The following COL25A1 variants were observed in gnomAD, a reference collection of about 807,000 sequenced individuals.
COL25A1 encodes collagen alpha-1(XXV) chain.
A neutral mutation model predicts 128.4 loss-of-function variants in COL25A1; 103 were observed. The ratio of observed to expected loss-of-function variants is 0.80; its 90% confidence interval spans 0.68 to 0.94. COL25A1 has a LOEUF of 0.94. Among genes scored for constraint, COL25A1 ranks in the 40% least tolerant of loss-of-function variants. The probability of loss-of-function intolerance (pLI) is 0.00; values close to 1 mark genes in which losing one functional copy is unlikely to be tolerated. For synonymous variants in COL25A1, 279 were observed against 277.2 expected (o/e 1.01, Z -0.06); for missense variants, 745 against 840.0 (o/e 0.89, Z 1.40).
intron 30 of COL25A1, among the ~76,000 whole-genome samples, chr4:108,843,467 A>G (rs1431096624): frequency 6.6e-6 from 1 of 152,186 alleles, no homozygotes; most frequent in Non-Finnish European, 1.5e-5. Flanking sequence ...AAGCATTTGA[A>G]GCATTCTGCC....
intron 3 of COL25A1, among the ~76,000 whole-genome samples, chr4:109,181,715 A>C (rs1009696685): frequency 1.3e-5 from 2 of 152,140 alleles, no homozygotes; most frequent in African/African-American, 4.8e-5. Flanking sequence ...TGATGAGAAC[A>C]CTTAAAATCT....
intron 8 of COL25A1, among the ~76,000 whole-genome samples, chr4:108,962,749 T>C (rs939739615): frequency 4.6e-5 from 7 of 152,138 alleles, no homozygotes; most frequent in Admixed American, 3.9e-4. Context: ...CTATTGTCTA[T>C]GTTTGTGTTA....
At chr4:109,191,149 C>A (rs968187758) in intron 3 of COL25A1, among the ~76,000 whole-genome samples, 1 of 152,158 alleles carries the variant, frequency 6.6e-6, no homozygotes, top group Non-Finnish European at 1.5e-5. Context: ...TTTAAATAAG[C>A]CACAAACCAT....
At chr4:109,127,734 G>C (rs1291355555) in intron 3 of COL25A1, among the ~76,000 whole-genome samples, 1 of 152,156 alleles carries the variant, frequency 6.6e-6, no homozygotes, top group East Asian at 1.9e-4. Context: ...TTGGTACTTA[G>C]TAGGCCGTAA....
intron 3 of COL25A1, among the ~76,000 whole-genome samples, chr4:109,277,812 A>C (rs1352159934): frequency 6.6e-6 from 1 of 152,154 alleles, no homozygotes; most frequent in Non-Finnish European, 1.5e-5. Context: ...ATGTAAATAT[A>C]ATTTCCCATT....
intron 27 of COL25A1, among the ~76,000 whole-genome samples, chr4:108,848,094 T>C (rs777980173): frequency 3.9e-5 from 6 of 152,200 alleles, no homozygotes; most frequent in Non-Finnish European, 7.3e-5. Flanking sequence ...TCCCAGGGAT[T>C]GTTTTTGTAC....
At position 108,885,224 on chromosome 4, in the gene COL25A1, C is replaced by T. The variant is rs368029980; in HGVS notation, c.976-1002G>A. 2.5e-4 allele frequency among the ~76,000 whole-genome samples: 38 copies of T among 152,192 alleles called. No individual in the cohort carries two copies. The South Asian group carries it at 7.9e-3, about 32-fold the overall frequency. On this transcript the variant is annotated intron_variant, in intron 18 of 37. Transcript: ENST00000399132. ...CTTTCATCTAAATGCTTTAACAATC[C>T]TGGTTTCAAGGAACATCCACTAAGT... is the stretch of plus-strand genomic sequence containing the variant.
chr4:108,863,214 G>T, intron 21 of COL25A1, 105 bp downstream of exon 21: 1 of 1,023,924 alleles, frequency 9.8e-7, no homozygotes, highest in Non-Finnish European at 1.5e-6. Flanking sequence ...AACTATTTGT[G>T]ATTTGGGCTG....
intron 3 of COL25A1, among the ~76,000 whole-genome samples, chr4:109,077,367 ATC>A (rs1763465943): frequency 6.6e-6 from 1 of 152,074 alleles, no homozygotes; most frequent in African/African-American, 2.4e-5. Flanking sequence ...TTTCTTTCAG[ATC>A]TCTATTTCCA....
chr4:109,122,667 T>C (rs1768212552), intron 3 of COL25A1, among the ~76,000 whole-genome samples: 1 of 152,032 alleles, frequency 6.6e-6, no homozygotes, highest in Non-Finnish European at 1.5e-5. Context: ...ATGAACTTTC[T>C]AGGGGAAACA....
intron 3 of COL25A1, among the ~76,000 whole-genome samples, chr4:109,187,532 A>T (rs1306328168): frequency 6.6e-6 from 1 of 152,222 alleles, no homozygotes; most frequent in Non-Finnish European, 1.5e-5. Flanking sequence ...AATAAATGCA[A>T]AATGCTAAAA....
intron 3 of COL25A1, among the ~76,000 whole-genome samples, chr4:109,096,595 T>C (rs1451610463): frequency 6.6e-6 from 1 of 152,242 alleles, no homozygotes; most frequent in Non-Finnish European, 1.5e-5. Flanking sequence ...AATTGCCTAA[T>C]GATGTGTTTC....
intron 3 of COL25A1, among the ~76,000 whole-genome samples, chr4:109,192,292 T>C (rs1238899605): frequency 6.6e-6 from 1 of 152,032 alleles, no homozygotes; most frequent in African/African-American, 2.4e-5. Context: ...TAATTGTGTG[T>C]AGTAAAGTGG....
intron 13 of COL25A1, among the ~76,000 whole-genome samples, chr4:108,911,116 T>G (rs1229816998): frequency 6.6e-6 from 1 of 152,106 alleles, no homozygotes; most frequent in Non-Finnish European, 1.5e-5. Context: ...AAACAGGGTG[T>G]GTGGTTTATA....
At chr4:108,829,115 A>G (rs1560710379) in intron 32 of COL25A1, among the ~76,000 whole-genome samples, 1 of 152,214 alleles carries the variant, frequency 6.6e-6, no homozygotes, top group Non-Finnish European at 1.5e-5. Context: ...AACATTAAAC[A>G]TTTTTTTAAG....
chr4:108,855,749 A>G (rs1736415342), intron 24 of COL25A1, among the ~76,000 whole-genome samples: 1 of 152,204 alleles, frequency 6.6e-6, no homozygotes, highest in South Asian at 2.1e-4. Flanking sequence ...TTAAAATTGT[A>G]TAATGTTCCA....
chr4:109,018,728 G>A (rs1222714089), intron 5 of COL25A1, among the ~76,000 whole-genome samples: 5 of 152,144 alleles, frequency 3.3e-5, no homozygotes, highest in African/African-American at 7.2e-5. Flanking sequence ...TTGCTGAACT[G>A]CTGAAAGGCG....
intron 3 of COL25A1, among the ~76,000 whole-genome samples, chr4:109,128,386 G>T (rs1462360264): frequency 6.6e-6 from 1 of 152,146 alleles, no homozygotes; most frequent in African/African-American, 2.4e-5. Context: ...TTTAGACAAA[G>T]CTTTGCTTCC....
At chr4:108,823,953 A>T in intron 35 of COL25A1, 2 of 1,440,106 alleles carry the variant, frequency 1.4e-6, no homozygotes, top group South Asian at 1.5e-5. Flanking sequence ...ATATCTGGTG[A>T]TAATAATTTT....
Sources: gnomAD v4.1 joint callset for allele counts (sites outside exome capture counted in the v4.1 genomes callset) on GRCh38, gnomAD v4.1.1 for gene constraint, MANE v1.5 for transcripts, NCBI Gene and HGNC (gene_info 2026-07-23, HGNC 2026-07-21) for gene names.